Variants in DCAF6 observed in about 807,000 individuals in gnomAD.
DCAF6 encodes the protein DDB1- and CUL4-associated factor 6.
DCAF6 carries 54 observed loss-of-function variants against 125.1 expected under a neutral mutation model. The ratio of observed to expected loss-of-function variants is 0.43; its 90% CI spans 0.35 to 0.54. The LOEUF (loss-of-function observed/expected upper bound fraction) is 0.54. Ranked by LOEUF, DCAF6 falls within the 20% of genes least tolerant of loss-of-function variation. The pLI is 0.01. For missense variants in DCAF6, 934 were observed against 1,161.7 expected, an observed-to-expected ratio of 0.80 and a Z score of 2.85; for synonymous variants, 371 against 390.4, an observed-to-expected ratio of 0.95 and a Z score of 0.58.
the DCAF6 span, among the ~76,000 whole-genome samples, chr1:167,869,309 C>CCTCA: frequency 6.6e-6 from 1 of 152,132 alleles, no homozygotes; most frequent in African/African-American, 2.4e-5. Flanking sequence ...CACCAAAATG[C>CCTCA]CTCAACACAA....
intron 11 of DCAF6, among the ~76,000 whole-genome samples, chr1:168,021,700 A>G (rs1041698751): frequency 2.0e-5 from 3 of 152,178 alleles, no homozygotes; most frequent in African/African-American, 7.2e-5. Flanking sequence ...AACTGGTGAT[A>G]CTAGAAGATG....
At chr1:168,066,967 T>A (rs1406327042) in intron 20 of DCAF6, among the ~76,000 whole-genome samples, 1 of 152,206 alleles carries the variant, frequency 6.6e-6, no homozygotes, top group African/African-American at 2.4e-5. Context: ...AAGATTTTTT[T>A]AAGCCTGTTA....
At chr1:168,073,439 A>G (rs769882114) in intron 21 of DCAF6, among the ~76,000 whole-genome samples, 2 of 152,210 alleles carry the variant, frequency 1.3e-5, no homozygotes, top group Non-Finnish European at 2.9e-5. Flanking sequence ...AGGAGAGAAC[A>G]ACTATTCTGC....
chr1:167,994,445 A>G (rs989875410), intron 7 of DCAF6, among the ~76,000 whole-genome samples: 4 of 152,184 alleles, frequency 2.6e-5, no homozygotes, highest in Non-Finnish European at 5.9e-5. Flanking sequence ...ATGGACAGCA[A>G]TCCCTTTCTG....
At chr1:168,040,487 T>TAA (rs59135639) in intron 13 of DCAF6, among the ~76,000 whole-genome samples, 1 of 143,032 alleles carries the variant, frequency 7.0e-6, no homozygotes, top group Non-Finnish European at 1.5e-5. Context: ...GGAGGTGGTT[T>TAA]AAAAAAAAAA....
the DCAF6 span, among the ~76,000 whole-genome samples, chr1:167,889,977 C>T: frequency 6.6e-6 from 1 of 152,124 alleles, no homozygotes; most frequent in Non-Finnish European, 1.5e-5. Flanking sequence ...TCTGTGTTAT[C>T]TTGAATTTCT....
chr1:167,939,724 C>T (rs948939648), intron 1 of DCAF6, among the ~76,000 whole-genome samples: 2 of 152,232 alleles, frequency 1.3e-5, no homozygotes, highest in Middle Eastern at 3.4e-3. Context: ...GATTGTGCCA[C>T]TGCACTCCAG....
chr1:167,949,364 A>G lies in DCAF6; in HGVS notation c.98-2436A>G, dbSNP rs139811354. On this transcript the variant is annotated intron_variant, in intron 1 of 21. Transcript: ENST00000367840. Reference sequence around the variant, plus strand: ...TTTATATAGTGAATAGCCTTGGAATATATAACAATTCTAAATATATATTTG... The same window carrying G: ...TTTATATAGTGAATAGCCTTGGAATGTATAACAATTCTAAATATATATTTG... Among the ~76,000 whole-genome samples the G allele has an allele frequency of 1.4e-4, 22 of 152,360 alleles. No individual in the cohort carries two copies. In the East Asian group the frequency reaches 3.3e-3, roughly 23 times the overall value.
the DCAF6 span, among the ~76,000 whole-genome samples, chr1:167,864,465 C>T: frequency 6.6e-6 from 1 of 152,070 alleles, no homozygotes; most frequent in Admixed American, 6.6e-5. Context: ...ACCTGTAAGC[C>T]AAGGCACACA....
chr1:167,960,837 T>C (rs924630369), intron 2 of DCAF6, among the ~76,000 whole-genome samples: 2 of 152,212 alleles, frequency 1.3e-5, no homozygotes, highest in Non-Finnish European at 2.9e-5. Flanking sequence ...GTCTTTGGCA[T>C]CTCTTATAAA....
the DCAF6 span, chr1:167,901,744 CA>C: frequency 6.2e-7 from 1 of 1,614,062 alleles, no homozygotes; most frequent in Non-Finnish European, 8.5e-7. Context: ...ATTTAATTAC[CA>C]CTGTGATAAT....
At chr1:167,888,997 G>T in the DCAF6 span, among the ~76,000 whole-genome samples, 4 of 152,064 alleles carry the variant, frequency 2.6e-5, no homozygotes, top group Non-Finnish European at 4.4e-5. Context: ...GAGTCTTTAG[G>T]TTTTTCCAAA....
At chr1:167,926,776 G>C in the DCAF6 span, among the ~76,000 whole-genome samples, 1 of 152,134 alleles carries the variant, frequency 6.6e-6, no homozygotes, top group African/African-American at 2.4e-5. Flanking sequence ...CATTCAACTA[G>C]TTTCATGCTA....
intron 2 of DCAF6, among the ~76,000 whole-genome samples, chr1:167,966,349 A>G (rs1183526166): frequency 6.6e-6 from 1 of 152,182 alleles, no homozygotes; most frequent in Non-Finnish European, 1.5e-5. Context: ...TGGCCCACAT[A>G]AATTCATAAA....
At chr1:168,002,803 A>G (rs1557959726) in intron 8 of DCAF6, among the ~76,000 whole-genome samples, 1 of 152,130 alleles carries the variant, frequency 6.6e-6, no homozygotes, top group Non-Finnish European at 1.5e-5. Flanking sequence ...TCCAAAAAAG[A>G]TGTGCTAATT....
chr1:167,924,051 C>G, the DCAF6 span, among the ~76,000 whole-genome samples: 1 of 152,204 alleles, frequency 6.6e-6, no homozygotes, highest in Non-Finnish European at 1.5e-5. Context: ...CCTAGGTTCT[C>G]TCATTTACCA....
chr1:168,059,507 T>G (rs1691316883), intron 17 of DCAF6, among the ~76,000 whole-genome samples: 1 of 152,152 alleles, frequency 6.6e-6, no homozygotes, highest in Admixed American at 6.6e-5. Context: ...TGTCCTTTGG[T>G]TGATTTTATA....
chr1:168,013,233 T>A (rs1684538564), intron 10 of DCAF6, among the ~76,000 whole-genome samples: 1 of 152,218 alleles, frequency 6.6e-6, no homozygotes, highest in Non-Finnish European at 1.5e-5. Flanking sequence ...TGGTACTGGA[T>A]CATTTTCTAG....
chr1:167,954,324 G>A (rs1674426917), intron 2 of DCAF6, among the ~76,000 whole-genome samples: 1 of 151,776 alleles, frequency 6.6e-6, no homozygotes, highest in African/African-American at 2.4e-5. Context: ...TTACACAAAT[G>A]TTTTCTAGTA....
Sources: allele counts gnomAD v4.1 joint callset (sites outside exome capture counted in the v4.1 genomes callset), GRCh38; gene constraint gnomAD v4.1.1; transcripts MANE v1.5; gene names NCBI Gene and HGNC (gene_info 2026-07-23, HGNC 2026-07-21).